RALGDS: variants seen among roughly 807,000 people sequenced by gnomAD.
RALGDS encodes ral guanine nucleotide dissociation stimulator, also known as ral guanine nucleotide exchange factor.
A neutral mutation model predicts 99.8 loss-of-function variants in RALGDS; 44 were observed. The ratio of observed to expected loss-of-function variants is 0.44; its 90% CI spans 0.35 to 0.57. The LOEUF (loss-of-function observed/expected upper bound fraction) is 0.57, where lower values mean the gene tolerates loss of function less well. RALGDS is among the 20% of genes least tolerant of loss of function. The probability of loss-of-function intolerance (pLI) is 0.01; values close to 1 mark genes in which losing one functional copy is unlikely to be tolerated. For synonymous variants in RALGDS, 529 were observed against 505.0 expected (o/e 1.05, Z -0.64); for missense variants, 1,022 against 1,203.1 (o/e 0.85, Z 2.23).
chr9:133,140,721 G>A (rs1009036137), intron 1 of RALGDS, among the ~76,000 whole-genome samples: 1 of 152,204 alleles, frequency 6.6e-6, no homozygotes, highest in African/African-American at 2.4e-5. Context: ...CAGGGTGGGT[G>A]GGGCTGTGTG....
chr9:133,098,697 C>T lies in RALGDS; in HGVS notation c.2635G>A (p.Val879Ile). 2 of 1,614,130 alleles carry T rather than the reference C, an allele frequency of 1.2e-6. 1 individual carries two copies. The highest frequency in any genetic ancestry group is 2.2e-5 in the South Asian group (2 of 91,086). ...TTGGTGAAGGTCCGCTTCTTGAGGA[C>T]AAAGTCATAGTTGGCGGTAGAGTTC... is the stretch of plus-strand genomic sequence containing the variant. ...AMNSTANYDF[V>I]LKKRTFTKGV... The change falls in exon 18 of 18, where the codon GTC becomes ATC. Residue 879 changes from valine to isoleucine, a missense_variant. Coordinates refer to ENST00000372050, the MANE Select transcript of RALGDS (RefSeq NM_006266.4).
At chr9:133,133,698 C>T (rs1323594196), upstream of RALGDS, among the ~76,000 whole-genome samples, 2 of 152,220 alleles carry the variant, frequency 1.3e-5, no homozygotes, top group Non-Finnish European at 2.9e-5. Flanking sequence ...ACGACCCTGA[C>T]CCCAGGCTTC....
At chr9:133,140,428 T>C (rs904655742) in intron 1 of RALGDS, among the ~76,000 whole-genome samples, 4 of 151,920 alleles carry the variant, frequency 2.6e-5, no homozygotes, top group Non-Finnish European at 4.4e-5. Flanking sequence ...CTCCCTGCCT[T>C]CCTCCCTCGG....
Position 133,108,432 on chromosome 9 carries a change from C to A in RALGDS, c.779-26G>T, listed in dbSNP as rs925003043. Reference sequence around the variant, plus strand: ...CTGCAAGAGGAGAAAAGTTCAACAACATGCCAGCCTTTCCTGTGCCTTTCC... The same window carrying A: ...CTGCAAGAGGAGAAAAGTTCAACAAAATGCCAGCCTTTCCTGTGCCTTTCC... On this transcript the variant is annotated intron_variant, in intron 5 of 17. Transcript: ENST00000372050. 8 of 1,529,496 alleles carry A rather than the reference C, an allele frequency of 5.2e-6. No homozygotes were observed. In the African/African-American group the frequency reaches 1.1e-4, roughly 21 times the overall value. 94.7% of individuals were successfully genotyped at this position (1,529,496 alleles called of 1,614,324 possible). A position where few individuals can be genotyped will look rare whatever the true frequency, so the allele number is the denominator to read the frequency against.
intron 1 of RALGDS, among the ~76,000 whole-genome samples, chr9:133,114,007 G>A (rs1278221138): frequency 6.6e-6 from 1 of 152,252 alleles, no homozygotes; most frequent in Non-Finnish European, 1.5e-5. Context: ...CAATCCCCAG[G>A]AGGGGCTGAA....
intron 10 of RALGDS, among the ~76,000 whole-genome samples, chr9:133,104,034 C>T (rs1302572740): frequency 6.6e-6 from 1 of 152,136 alleles, no homozygotes; most frequent in African/African-American, 2.4e-5. Context: ...GTCGTGTGGC[C>T]CCTGGCCCTC....
At chr9:133,143,771 TAACAACAAC>T (rs759265482) in intron 1 of RALGDS, among the ~76,000 whole-genome samples, 1,195 of 111,588 alleles carry the variant, frequency 0.011, 19 homozygotes, top group African/African-American at 0.039. Context: ...ATAATAATAA[TAACAACAAC>T]AACAACAATA....
intron 1 of RALGDS, chr9:133,129,093 A>ACCCCCC: frequency 8.4e-7 from 1 of 1,193,466 alleles, no homozygotes. Flanking sequence ...GCGGTGACCC[A>ACCCCCC]CCCAGCCCCT....
chr9:133,141,413 G>A (rs1832519331), intron 1 of RALGDS, among the ~76,000 whole-genome samples: 1 of 151,930 alleles, frequency 6.6e-6, no homozygotes, highest in Admixed American at 6.6e-5. Context: ...AAGTCTGGGT[G>A]CAGGGTGGGT....
exon 1 of RALGDS, chr9:133,149,133 C>T: frequency 8.0e-6 from 2 of 248,638 alleles, no homozygotes; most frequent in Non-Finnish European, 1.3e-5. Context: ...CTCTGCGGCC[C>T]TCGGGGCCGC....
chr9:133,111,601 T>C (rs1009185160), intron 2 of RALGDS, among the ~76,000 whole-genome samples: 1 of 152,178 alleles, frequency 6.6e-6, no homozygotes, highest in African/African-American at 2.4e-5. Flanking sequence ...TGTTGAAGTG[T>C]CCTCAGAGGA....
At chr9:133,111,068 TAA>T (rs201326453) in intron 2 of RALGDS, among the ~76,000 whole-genome samples, 2 of 152,100 alleles carry the variant, frequency 1.3e-5, no homozygotes, top group African/African-American at 2.4e-5. Context: ...ACCCTGTCTC[TAA>T]AAGAGTGAAA....
intron 1 of RALGDS, chr9:133,129,330 A>G (rs1194723888): frequency 6.4e-7 from 1 of 1,571,418 alleles, no homozygotes; most frequent in Admixed American, 1.8e-5. Context: ...GTGGGGCGAG[A>G]GCCAGGTGGG....
chr9:133,128,080 G>C (rs1040205265), intron 1 of RALGDS, among the ~76,000 whole-genome samples: 1 of 152,204 alleles, frequency 6.6e-6, no homozygotes, highest in Admixed American at 6.5e-5. Flanking sequence ...GCTGCAAATC[G>C]GGGGCCGCTC....
intron 4 of RALGDS, among the ~76,000 whole-genome samples, 172 bp downstream of exon 4, chr9:133,109,454 G>A (rs77957224): frequency 0.019 from 2,903 of 152,254 alleles, 100 homozygotes; most frequent in African/African-American, 0.065. Context: ...GCTCTCGGTC[G>A]TCTTTCTTCC....
At chr9:133,132,926 C>G (rs573054192), upstream of RALGDS, among the ~76,000 whole-genome samples, 1 of 151,984 alleles carries the variant, frequency 6.6e-6, no homozygotes, top group South Asian at 2.1e-4. Context: ...CGTGAGCCAC[C>G]GTGCCTGGCC....
intron 1 of RALGDS, among the ~76,000 whole-genome samples, chr9:133,118,524 C>T (rs547514048): frequency 6.6e-6 from 1 of 152,298 alleles, no homozygotes; most frequent in African/African-American, 2.4e-5. Flanking sequence ...GAGCTCTTAA[C>T]AGTCTTGACC....
chr9:133,100,553 AGTGAGGCCTCCGTCCTTCTGTTCCCCAT>A (rs906005113), intron 16 of RALGDS, 171 bp from the exon 17 acceptor site: 201 of 1,486,390 alleles, frequency 1.4e-4, no homozygotes, highest in African/African-American at 7.1e-4. Context: ...CTACTCCCCA[AGTGAGGCCTCCGTCCTTCTGTTCCCCAT>A]GTGAGGCCTC....
At chr9:133,124,742 G>A (rs1031093512), upstream of RALGDS, among the ~76,000 whole-genome samples, 3 of 152,192 alleles carry the variant, frequency 2.0e-5, no homozygotes, top group Non-Finnish European at 2.9e-5. Flanking sequence ...TTCATGGGAC[G>A]CCTCCTGCAT....
Sources: gnomAD v4.1 joint callset for allele counts (sites outside exome capture counted in the v4.1 genomes callset) on GRCh38, gnomAD v4.1.1 for gene constraint, MANE v1.5 for transcripts, NCBI Gene and HGNC (gene_info 2026-07-23, HGNC 2026-07-21) for gene names.